TENM3: variants seen among roughly 807,000 people sequenced by gnomAD.
TENM3 encodes teneurin-3.
A neutral mutation model predicts 255.1 loss-of-function variants in TENM3; 63 were observed. That is an observed-to-expected ratio of 0.25 (90% CI 0.20 to 0.30). The LOEUF (loss-of-function observed/expected upper bound fraction) is 0.30, where lower values mean the gene tolerates loss of function less well. Ranked by LOEUF, TENM3 falls within the 10% of genes least tolerant of loss-of-function variation. The pLI is 1.00. For missense variants in TENM3, 2,929 were observed against 3,461.1 expected (o/e 0.85, Z 3.86); for synonymous variants, 1,306 against 1,322.3 (o/e 0.99, Z 0.27).
chr4:181,844,530 T>C, the TENM3 span, among the ~76,000 whole-genome samples: 2 of 150,458 alleles, frequency 1.3e-5, no homozygotes, highest in South Asian at 2.1e-4. Context: ...TAGCCGGGAG[T>C]GGTGGCGGGC....
the TENM3 span, among the ~76,000 whole-genome samples, chr4:182,128,641 C>T: frequency 1.3e-5 from 2 of 152,164 alleles, no homozygotes; most frequent in East Asian, 3.8e-4. Context: ...TAAAATGACA[C>T]ATCATCCTGC....
chr4:182,049,786 C>T, the TENM3 span, among the ~76,000 whole-genome samples: 2 of 152,154 alleles, frequency 1.3e-5, no homozygotes, highest in African/African-American at 4.8e-5. Context: ...TTATCTTTAC[C>T]ATGGGTGAGA....
chr4:181,677,645 G>T, the TENM3 span, among the ~76,000 whole-genome samples: 2 of 152,036 alleles, frequency 1.3e-5, no homozygotes, highest in Non-Finnish European at 2.9e-5. Flanking sequence ...ACTGCAGTGG[G>T]AGTGCTTCTC....
the TENM3 span, among the ~76,000 whole-genome samples, chr4:181,996,664 A>T: frequency 6.6e-6 from 1 of 152,180 alleles, no homozygotes; most frequent in Non-Finnish European, 1.5e-5. Flanking sequence ...TTAGAAGGTG[A>T]TAAAAGAGTT....
chr4:181,715,087 C>T, the TENM3 span, among the ~76,000 whole-genome samples: 6 of 152,164 alleles, frequency 3.9e-5, no homozygotes, highest in African/African-American at 1.2e-4. Context: ...CTTAATTATA[C>T]GTGGTAGAGC....
intron 12 of TENM3, among the ~76,000 whole-genome samples, chr4:182,698,394 T>C (rs1036428371): frequency 6.6e-6 from 1 of 152,182 alleles, no homozygotes; most frequent in Non-Finnish European, 1.5e-5. Context: ...CCTTATCTCC[T>C]TCACCTTCCC....
At chr4:181,751,425 A>C in the TENM3 span, among the ~76,000 whole-genome samples, 18 of 151,814 alleles carry the variant, frequency 1.2e-4, 1 homozygote, top group Non-Finnish European at 2.9e-5. Context: ...GAAAAAAAAA[A>C]AAAAAAAACA....
At chr4:182,519,178 T>A (rs533302495) in intron 3 of TENM3, among the ~76,000 whole-genome samples, 9 of 151,192 alleles carry the variant, frequency 6.0e-5, no homozygotes, top group East Asian at 3.9e-4. Context: ...AAAAAAAAAA[T>A]GTAAAATATG....
At chr4:181,526,635 A>T in the TENM3 span, among the ~76,000 whole-genome samples, 4 of 151,758 alleles carry the variant, frequency 2.6e-5, no homozygotes, top group Admixed American at 6.6e-5. Flanking sequence ...ATGTTTTGAG[A>T]TTTTTTTGTG....
chr4:181,573,277 A>G, the TENM3 span, among the ~76,000 whole-genome samples: 1 of 152,166 alleles, frequency 6.6e-6, no homozygotes, highest in Non-Finnish European at 1.5e-5. Context: ...TTGCTGGATC[A>G]TATGGTAGTT....
chr4:182,426,019 A>AAAAAAAAAAAAAAAAAAAC (rs1771194196), intron 3 of TENM3, among the ~76,000 whole-genome samples: 1 of 151,552 alleles, frequency 6.6e-6, no homozygotes, highest in Non-Finnish European at 1.5e-5. Flanking sequence ...AAAAAAAAAA[A>AAAAAAAAAAAAAAAAAAAC]AAAAAAAAAA....
the TENM3 span, among the ~76,000 whole-genome samples, chr4:181,564,028 C>CTTTTTTTTTTTTTTTTTT: frequency 2.1e-5 from 2 of 94,714 alleles, 1 homozygote; most frequent in Non-Finnish European, 4.3e-5. Context: ...CTTTTCTTTT[C>CTTTTTTTTTTTTTTTTTT]TTTTCTTTTT....
chr4:182,594,297 G>T (rs1746964887), intron 3 of TENM3, among the ~76,000 whole-genome samples: 1 of 152,206 alleles, frequency 6.6e-6, no homozygotes, highest in South Asian at 2.1e-4. Context: ...GAACCACTGA[G>T]CCTGGCCCTA....
At chr4:182,459,058 A>G (rs1403284065) in intron 3 of TENM3, among the ~76,000 whole-genome samples, 1 of 152,240 alleles carries the variant, frequency 6.6e-6, no homozygotes, top group African/African-American at 2.4e-5. Context: ...AGATAAAAAT[A>G]GTTCTTGTTA....
chr4:182,719,624 A>G (rs13101364), intron 13 of TENM3, among the ~76,000 whole-genome samples: 26,131 of 151,994 alleles, frequency 0.17, 2,398 homozygotes, highest in Non-Finnish European at 0.22. Context: ...ATGTACCTAA[A>G]ACAGGCCATT....
At chr4:182,356,463 CA>C (rs1318943469) in intron 3 of TENM3, among the ~76,000 whole-genome samples, 1 of 152,066 alleles carries the variant, frequency 6.6e-6, no homozygotes, top group East Asian at 1.9e-4. Flanking sequence ...CTCCAAAGCT[CA>C]ACTAAGGAAG....
At chr4:182,581,795 A>G (rs566697563) in intron 3 of TENM3, among the ~76,000 whole-genome samples, 3 of 152,292 alleles carry the variant, frequency 2.0e-5, no homozygotes, top group East Asian at 1.9e-4. Flanking sequence ...TGCAAAATAT[A>G]TTAATTAGTA....
the TENM3 span, among the ~76,000 whole-genome samples, chr4:181,472,476 C>T: frequency 2.1e-5 from 3 of 144,924 alleles, no homozygotes; most frequent in East Asian, 6.1e-4. Flanking sequence ...AAAAGGCCCC[C>T]TGCCATAATG....
chr4:182,292,259 C>T (rs1251975144), intron 1 of TENM3, among the ~76,000 whole-genome samples: 2 of 152,138 alleles, frequency 1.3e-5, no homozygotes, highest in African/African-American at 4.8e-5. Flanking sequence ...AAAACAGAGC[C>T]ATCTCAGAGG....
Sources: gnomAD v4.1 joint callset for allele counts (sites outside exome capture counted in the v4.1 genomes callset) on GRCh38, gnomAD v4.1.1 for gene constraint, MANE v1.5 for transcripts, NCBI Gene and HGNC (gene_info 2026-07-23, HGNC 2026-07-21) for gene names.